Variants in GRHL2 observed in about 807,000 individuals in gnomAD.
The protein encoded by GRHL2 is grainyhead like transcription factor 2, also known as grainyhead-like protein 2 homolog.
A neutral mutation model predicts 83.8 loss-of-function variants in GRHL2; 21 were observed. That is an observed-to-expected ratio of 0.25 (90% CI 0.18 to 0.36). The LOEUF is 0.36. Among genes scored for constraint, GRHL2 ranks in the 10% least tolerant of loss-of-function variants. The pLI, the probability that GRHL2 is intolerant of heterozygous loss-of-function variation, is 1.00. For synonymous variants in GRHL2, 280 were observed against 278.9 expected (o/e 1.00, Z -0.04); for missense variants, 623 against 781.8 (o/e 0.80, Z 2.42).
Position 101,636,996 on chromosome 8 carries a change from GC to G in GRHL2, c.1517+69del, listed in dbSNP as rs141732126. On this transcript the variant is annotated intron_variant, in intron 12 of 15. Coordinates refer to ENST00000646743, the MANE Select transcript of GRHL2 (RefSeq NM_024915.4). Reference sequence around the variant, plus strand: ...CATGTCAGTGGTAATGGCTCTTCCAGCACTTGGTAACCCTAGGCAGGAAGTG... The same window carrying G: ...CATGTCAGTGGTAATGGCTCTTCCAGACTTGGTAACCCTAGGCAGGAAGTG... 2.0e-3 allele frequency: 2,719 copies of G among 1,384,590 alleles called. 47 individuals are homozygous for G. In the East Asian group the frequency reaches 0.049, roughly 25 times the overall value. The allele number at this position is 1,384,590 out of a possible 1,614,324, so 85.8% of individuals were successfully genotyped here.
chr8:101,493,879 G>A (rs570472757), intron 1 of GRHL2, among the ~76,000 whole-genome samples: 6 of 151,840 alleles, frequency 4.0e-5, no homozygotes, highest in Non-Finnish European at 8.8e-5. Context: ...CCCCCTGGCC[G>A]GCCCCCGCCC....
Position 101,612,653 on chromosome 8 carries a change from A to G in GRHL2, c.1099-6886A>G, listed in dbSNP as rs116923369. On this transcript the variant is annotated intron_variant, in intron 8 of 15. Transcript: ENST00000646743. ...TCCAGTCAGAGCAGTTAACTCCACT[A>G]TATTAAATTGACTTCAGCTACTCAT... 5.3e-3 allele frequency among the ~76,000 whole-genome samples: 799 copies of G among 151,146 alleles called. 36 individuals are homozygous for G. The highest frequency in any genetic ancestry group is 0.05 in the East Asian group (259 of 5,182).
intron 7 of GRHL2, among the ~76,000 whole-genome samples, chr8:101,592,955 T>C (rs116705280): frequency 0.014 from 2,177 of 152,218 alleles, 45 homozygotes; most frequent in African/African-American, 0.05. Context: ...ATTCTTTTTG[T>C]TGTTGTTGTT....
chr8:101,612,017 G>A lies in GRHL2; in HGVS notation c.1099-7522G>A, dbSNP rs752972306. On this transcript the variant is annotated intron_variant, in intron 8 of 15. Transcript: ENST00000646743. ...TCTTTTTTGAGATGGAGTCTCGCTC[G>A]CTCTGTCACCTAGGCTGGATGGAGT... Among the ~76,000 whole-genome samples the A allele has an allele frequency of 5.4e-4, 82 of 150,778 alleles. 5 individuals are homozygous for A. Among genetic ancestry groups the A allele is most frequent in the African/African-American group, 1.4e-3 (58 of 40,328 alleles).
Position 101,536,925 on chromosome 8 carries a change from C to CCCTCA in GRHL2, c.21-6313_21-6309dup, listed in dbSNP as rs1241778413. ...TTTTTATGCTCCTCTTCCTCCCCTC[C>CCCTCA]CCTCACCCCCCGCCCTCTGGTAGGC... is the stretch of plus-strand genomic sequence containing the variant. On this transcript the variant is annotated intron_variant, in intron 1 of 15. Transcript: ENST00000646743. 2.6e-4 allele frequency among the ~76,000 whole-genome samples: 39 copies of CCCTCA among 152,050 alleles called. 1 individual carries two copies. The highest frequency in any genetic ancestry group is 1.2e-3 in the Admixed American group (19 of 15,284).
At position 101,543,341 on chromosome 8, in the gene GRHL2, G is replaced by C; in HGVS notation, c.121G>C (p.Glu41Gln). ...SEDEAWKSYL[E>Q]NPLTAATKAM... is the part of the protein sequence containing the mutation. ...GGATGAAGCCTGGAAGTCATACTTG[G>C]AGAATCCCCTGACAGCAGCCACCAA... is the stretch of plus-strand genomic sequence containing the variant. The change falls in exon 2 of 16, where the codon GAG becomes CAG. Residue 41 changes from glutamate to glutamine, a missense_variant. Physicochemically the swap from Glu to Gln is conservative, Grantham distance 29. This residue lies in a region of GRHL2 where 11 missense variants were observed against 46.1 expected (regional missense o/e 0.24). Coordinates refer to ENST00000646743, the MANE Select transcript of GRHL2 (RefSeq NM_024915.4). 1 of 1,614,114 alleles carries C rather than the reference G, an allele frequency of 6.2e-7. No individual in the cohort carries two copies. Among genetic ancestry groups the C allele is most frequent in the Non-Finnish European group, 8.5e-7 (1 of 1,180,000 alleles).
intron 8 of GRHL2, among the ~76,000 whole-genome samples, chr8:101,609,657 G>C (rs530044921): frequency 1.3e-5 from 2 of 151,082 alleles, no homozygotes; most frequent in South Asian, 4.1e-4. Context: ...TAAAGGGAGA[G>C]AGAAAGCGAT....
chr8:101,558,842 A>G, intron 4 of GRHL2, 30 bp downstream of exon 4: 1 of 1,611,384 alleles, frequency 6.2e-7, no homozygotes. Flanking sequence ...GACGGCCAGA[A>G]CCCAAACCCA....
intron 9 of GRHL2, among the ~76,000 whole-genome samples, chr8:101,620,270 T>C (rs531498591): frequency 6.6e-6 from 1 of 152,320 alleles, no homozygotes; most frequent in African/African-American, 2.4e-5. Flanking sequence ...ACATTGGGAA[T>C]TGGGAGTCCA....
intron 11 of GRHL2, among the ~76,000 whole-genome samples, chr8:101,635,341 TG>T (rs1411274367): frequency 1.3e-5 from 2 of 152,016 alleles, no homozygotes; most frequent in East Asian, 1.9e-4. Context: ...GAAGAAATAG[TG>T]GGTCTTTATG....
chr8:101,659,147 G>T (rs1813862895), intron 14 of GRHL2, among the ~76,000 whole-genome samples: 1 of 152,138 alleles, frequency 6.6e-6, no homozygotes, highest in African/African-American at 2.4e-5. Flanking sequence ...TATGATCTAT[G>T]GGTGAGACTA....
chr8:101,653,760 C>T lies in GRHL2; in HGVS notation c.1698+4261C>T, dbSNP rs528618517. Among the ~76,000 whole-genome samples, 44 of 151,180 alleles carry T rather than the reference C, an allele frequency of 2.9e-4. No homozygotes were observed. The South Asian group carries it at 9.0e-3, about 31-fold the overall frequency. On this transcript the variant is annotated intron_variant, in intron 14 of 15. Coordinates refer to ENST00000646743, the MANE Select transcript of GRHL2 (RefSeq NM_024915.4). ...CTCAAAAAAAAAACAAAAACAAAAA[C>T]AAAGATGCCATCCCAGAACCCCACC...
chr8:101,678,451 G>A, the GRHL2 span, among the ~76,000 whole-genome samples: 3 of 152,096 alleles, frequency 2.0e-5, no homozygotes, highest in Non-Finnish European at 4.4e-5. Flanking sequence ...GAGTCTCGCT[G>A]ATTGCTAGCA....
At chr8:101,678,387 C>T in the GRHL2 span, among the ~76,000 whole-genome samples, 41,696 of 151,736 alleles carry the variant, frequency 0.27, 6,256 homozygotes, top group African/African-American at 0.38. Context: ...GCTTAAAAAA[C>T]GGCGCACCAC....
intron 14 of GRHL2, among the ~76,000 whole-genome samples, chr8:101,663,810 C>T (rs1813980672): frequency 6.6e-6 from 1 of 151,666 alleles, no homozygotes. Flanking sequence ...TCTTGATTTG[C>T]AGGAGTTCTT....
At chr8:101,651,891 C>T (rs1813628507) in intron 14 of GRHL2, among the ~76,000 whole-genome samples, 1 of 152,196 alleles carries the variant, frequency 6.6e-6, no homozygotes, top group African/African-American at 2.4e-5. Flanking sequence ...TATCTCCTTG[C>T]TTCCTAAGTT....
chr8:101,564,211 A>G (rs1430972125), intron 4 of GRHL2, among the ~76,000 whole-genome samples: 1 of 152,208 alleles, frequency 6.6e-6, no homozygotes, highest in Non-Finnish European at 1.5e-5. Flanking sequence ...CCTGGTGTAA[A>G]TTAAATTGAA....
At chr8:101,542,019 T>C (rs1437504782) in intron 1 of GRHL2, among the ~76,000 whole-genome samples, 4 of 152,222 alleles carry the variant, frequency 2.6e-5, no homozygotes, top group Non-Finnish European at 5.9e-5. Flanking sequence ...GTCCGTCTCA[T>C]TACTGCTGTT....
chr8:101,645,972 C>A (rs1813504108), intron 13 of GRHL2, among the ~76,000 whole-genome samples: 2 of 152,160 alleles, frequency 1.3e-5, no homozygotes, highest in Admixed American at 1.3e-4. Flanking sequence ...CTTCCATGCT[C>A]AGGCGATCCT....
Sources: gnomAD v4.1 joint callset for allele counts (sites outside exome capture counted in the v4.1 genomes callset) on GRCh38, gnomAD v4.1.1 for gene constraint, gnomAD v4.1.1 regional missense constraint, MANE v1.5 for transcripts, NCBI Gene and HGNC (gene_info 2026-07-23, HGNC 2026-07-21) for gene names.